The following COL4A1 variants were observed in gnomAD, a reference collection of about 807,000 sequenced individuals.
The protein encoded by COL4A1 is collagen alpha-1(IV) chain.
Under a neutral mutation model 216.6 loss-of-function variants are expected in COL4A1, and 40 were observed. That is an observed-to-expected ratio of 0.18 (90% CI 0.14 to 0.24). The LOEUF is 0.24. Among genes scored for constraint, COL4A1 ranks in the 10% least tolerant of loss-of-function variants. The probability of loss-of-function intolerance (pLI) is 1.00; values close to 1 mark genes in which losing one functional copy is unlikely to be tolerated. For missense variants in COL4A1, 1,628 were observed against 2,196.8 expected (o/e 0.74, Z 5.18); for synonymous variants, 839 against 810.7 (o/e 1.03, Z -0.59).
intron 1 of COL4A1, among the ~76,000 whole-genome samples, chr13:110,279,551 G>A (rs1042334812): frequency 6.6e-6 from 1 of 152,130 alleles, no homozygotes; most frequent in Non-Finnish European, 1.5e-5. Flanking sequence ...CTTTTGGGGG[G>A]CTGGAGGACC....
chr13:110,180,798 G>C (rs531882140), intron 29 of COL4A1, among the ~76,000 whole-genome samples: 2 of 152,324 alleles, frequency 1.3e-5, no homozygotes, highest in East Asian at 3.9e-4. Flanking sequence ...TGACTGGGTG[G>C]AAGGGGGATG....
rs761538161 is a variant in COL4A1, at chr13:110,211,908, C to A, written c.402G>T (p.Pro134=). 2 of 1,613,982 alleles carry A rather than the reference C, an allele frequency of 1.2e-6. No individual in the cohort carries two copies. Among genetic ancestry groups the A allele is most frequent in the Admixed American group, 3.3e-5 (2 of 60,010 alleles). Reference sequence around the variant, plus strand: ...AACCAGGCAAGCCAGGAGGCCCGAGCGGCCCTCTCTCCCCCTGGGGAGACA... The same window carrying A: ...AACCAGGCAAGCCAGGAGGCCCGAGAGGCCCTCTCTCCCCCTGGGGAGACA... ...GCNGTKGERG[P]LGPPGLPGFA... is the part of the protein sequence containing the mutation. The change falls in exon 7 of 52, where the codon CCG becomes CCT. Residue 134 remains proline (P), a synonymous_variant. Coordinates refer to ENST00000375820, the MANE Select transcript of COL4A1 (RefSeq NM_001845.6). The surrounding 1 kb of genome is among the most constrained non-coding windows in gnomAD (Gnocchi z 4.3).
At chr13:110,248,061 C>G (rs534826526) in intron 1 of COL4A1, among the ~76,000 whole-genome samples, 4 of 152,190 alleles carry the variant, frequency 2.6e-5, no homozygotes, top group African/African-American at 9.6e-5. Flanking sequence ...ATGTGGAGAT[C>G]TGCCAAGTCT....
intron 10 of COL4A1, 145 bp from the exon 11 acceptor site, chr13:110,209,572 C>T: frequency 1.4e-6 from 1 of 703,504 alleles, no homozygotes; most frequent in Non-Finnish European, 2.5e-6. Context: ...CCCTCCCTCC[C>T]CACTCCTAGC....
intron 2 of COL4A1, among the ~76,000 whole-genome samples, chr13:110,236,938 ACCTGCC>A (rs1469264353): frequency 6.6e-6 from 1 of 152,128 alleles, no homozygotes; most frequent in Non-Finnish European, 1.5e-5. Context: ...TGACTGGCTG[ACCTGCC>A]CCTTGTCACA....
Position 110,183,329 on chromosome 13 carries a change from AAC to A in COL4A1, c.1898-55_1898-54del, listed in dbSNP as rs1255891585. 1.9e-6 allele frequency: 3 copies of A among 1,553,288 alleles called. No individual in the cohort carries two copies. In the East Asian group the frequency reaches 6.8e-5, roughly 35 times the overall value. ...CGATGAAGGAATGAGGACCACACGGAACACAGGGAGGACACGCAGTGGGTGGG... is the reference window on the plus strand; with the variant it reads ...CGATGAAGGAATGAGGACCACACGGAACAGGGAGGACACGCAGTGGGTGGG... On this transcript the variant is annotated intron_variant, in intron 26 of 51. Coordinates refer to ENST00000375820, the MANE Select transcript of COL4A1 (RefSeq NM_001845.6).
At chr13:110,195,881 C>T (rs1460892257) in intron 21 of COL4A1, among the ~76,000 whole-genome samples, 1 of 152,214 alleles carries the variant, frequency 6.6e-6, no homozygotes, top group African/African-American at 2.4e-5. Flanking sequence ...CTCCCCTCTC[C>T]CTTACAGGGT....
intron 1 of COL4A1, among the ~76,000 whole-genome samples, chr13:110,244,269 A>G (rs1402262747): frequency 6.6e-6 from 1 of 152,196 alleles, no homozygotes; most frequent in Non-Finnish European, 1.5e-5. Context: ...AATCTGAACA[A>G]GTGCCTCCAA....
intron 1 of COL4A1, among the ~76,000 whole-genome samples, chr13:110,258,390 A>G (rs1882671470): frequency 6.6e-6 from 1 of 152,106 alleles, no homozygotes; most frequent in Non-Finnish European, 1.5e-5. Context: ...AAATACAAAA[A>G]TTAGCCAGGC....
At chr13:110,239,169 T>C (rs7332643) in intron 2 of COL4A1, among the ~76,000 whole-genome samples, 29,942 of 152,074 alleles carry the variant, frequency 0.2, 3,351 homozygotes, top group African/African-American at 0.3. Context: ...CTAGTATTTA[T>C]TGATTACTTG....
intron 21 of COL4A1, 88 bp downstream of exon 21, chr13:110,198,379 G>A (rs1389936330): frequency 1.4e-6 from 2 of 1,434,608 alleles, no homozygotes; most frequent in African/African-American, 1.4e-5. Flanking sequence ...TCTGGCTGTG[G>A]GGGACTATCA....
At chr13:110,198,660 A>G (rs765513413) in intron 20 of COL4A1, 29 bp from the exon 21 acceptor site, 1 of 1,613,684 alleles carries the variant, frequency 6.2e-7, no homozygotes, top group South Asian at 1.1e-5. Flanking sequence ...TCACATCAGT[A>G]ACCTCAGGGC....
intron 26 of COL4A1, among the ~76,000 whole-genome samples, chr13:110,183,674 C>T (rs1878279682): frequency 6.6e-6 from 1 of 152,226 alleles, no homozygotes. Flanking sequence ...GTCTAAGTTG[C>T]TTTGAGATTG....
rs544241141 is a variant in COL4A1, at chr13:110,259,739, T to C, written c.85-17005A>G. Among the ~76,000 whole-genome samples the C allele has an allele frequency of 2.0e-5, 3 of 152,366 alleles. No homozygotes were observed. In the South Asian group the frequency reaches 6.2e-4, roughly 32 times the overall value. ...TAAAATAGAAATAGGTCAGTCAACC[T>C]AATTTAATTATATTAATTTAATGGT... On this transcript the variant is annotated intron_variant, in intron 1 of 51. Transcript: ENST00000375820.
At chr13:110,212,039 A>G (rs1594586145) in intron 6 of COL4A1, 117 bp from the exon 7 acceptor site, 1 of 1,130,174 alleles carries the variant, frequency 8.8e-7, no homozygotes, top group South Asian at 1.2e-5. Context: ...CATTTCCTAA[A>G]AACAGTTTGT....
Position 110,179,430 on chromosome 13 carries a change from C to T in COL4A1, c.2194-9G>A. 1 of 1,614,080 alleles carries T rather than the reference C, an allele frequency of 6.2e-7. No homozygotes were observed. Among genetic ancestry groups the T allele is most frequent in the Non-Finnish European group, 8.5e-7 (1 of 1,180,044 alleles). On this transcript the variant is annotated splice_polypyrimidine_tract_variant and intron_variant, in intron 29 of 51. Coordinates refer to ENST00000375820, the MANE Select transcript of COL4A1 (RefSeq NM_001845.6). ...CCAACTCCAGGCTCTCCCTGAAAAT[C>T]CCCAAAGCACAGAGAAGCAAATTGA...
chr13:110,212,703 A>AT (rs1197961897), intron 4 of COL4A1, 85 bp from the exon 5 acceptor site: 2 of 1,505,556 alleles, frequency 1.3e-6, no homozygotes, highest in Admixed American at 3.4e-5. Flanking sequence ...TAATGGAGTC[A>AT]TGCCCTCATT....
chr13:110,293,884 G>A lies in COL4A1; in HGVS notation c.84+13060C>T, dbSNP rs139975619. On this transcript the variant is annotated intron_variant, in intron 1 of 51. Transcript: ENST00000375820. Reference sequence around the variant, plus strand: ...TATTTTGCCAAGAACTTTGACCTGCGTTTCCTTGTTTAAGCCTCTGAGTGT... The same window carrying A: ...TATTTTGCCAAGAACTTTGACCTGCATTTCCTTGTTTAAGCCTCTGAGTGT... Among the ~76,000 whole-genome samples, 47 of 152,266 alleles carry A rather than the reference G, an allele frequency of 3.1e-4. No individual in the cohort carries two copies. In the East Asian group the frequency reaches 5.0e-3, roughly 16 times the overall value.
chr13:110,208,038 A>C (rs1472494624), intron 12 of COL4A1, among the ~76,000 whole-genome samples: 1 of 152,224 alleles, frequency 6.6e-6, no homozygotes. Flanking sequence ...GCACATCCAG[A>C]TCCATCCAGG....
Sources: allele counts gnomAD v4.1 joint callset (sites outside exome capture counted in the v4.1 genomes callset), GRCh38; gene constraint gnomAD v4.1.1; non-coding constraint Gnocchi (gnomAD v3.1); transcripts MANE v1.5; gene names NCBI Gene and HGNC (gene_info 2026-07-23, HGNC 2026-07-21).